Variants in ATG10 observed in about 807,000 individuals in gnomAD.
ATG10 encodes autophagy related 10.
A neutral mutation model predicts 32.1 loss-of-function variants in ATG10; 30 were observed. The observed-to-expected ratio is 0.94, with a 90% CI of 0.70 to 1.27. The LOEUF is 1.27. Ranked by LOEUF, ATG10 falls within the 50% of genes most tolerant of loss-of-function variation. The pLI, the probability that ATG10 is intolerant of heterozygous loss-of-function variation, is 0.00. For missense variants in ATG10, 233 were observed against 262.3 expected, an observed-to-expected ratio of 0.89 and a Z score of 0.77; for synonymous variants, 87 against 91.5, an observed-to-expected ratio of 0.95 and a Z score of 0.28.
At position 82,058,663 on chromosome 5, in the gene ATG10, A is replaced by G; in HGVS notation, c.216+61A>G. The G allele has an allele frequency of 1.0e-5, 12 of 1,145,634 alleles. No homozygotes were observed. The South Asian group carries it at 1.6e-4, about 15-fold the overall frequency. The allele number at this position is 1,145,634 out of a possible 1,614,324, so 71.0% of individuals were successfully genotyped here. On this transcript the variant is annotated intron_variant, in intron 3 of 7. Coordinates refer to ENST00000282185, the MANE Select transcript of ATG10 (RefSeq NM_031482.5). ...CCGTAAAGTATACATTTAAAAATGT[A>G]TACTTTAATGACTCCATCGCATTCC...
At chr5:82,206,330 A>G (rs977854177) in intron 5 of ATG10, among the ~76,000 whole-genome samples, 1 of 152,126 alleles carries the variant, frequency 6.6e-6, no homozygotes, top group Non-Finnish European at 1.5e-5. Context: ...GCTAGATGGC[A>G]TGTATATCAA....
intron 5 of ATG10, among the ~76,000 whole-genome samples, chr5:82,241,996 G>A (rs1035295233): frequency 6.6e-6 from 1 of 151,852 alleles, no homozygotes; most frequent in Non-Finnish European, 1.5e-5. Context: ...CATATTTGTA[G>A]TCCTACTAAA....
At chr5:82,042,003 C>T (rs1416163626) in intron 2 of ATG10, among the ~76,000 whole-genome samples, 1 of 151,922 alleles carries the variant, frequency 6.6e-6, no homozygotes, top group Middle Eastern at 3.2e-3. Context: ...ATGCTTTCTT[C>T]TACTTTCTGG....
intron 5 of ATG10, among the ~76,000 whole-genome samples, chr5:82,240,289 G>A (rs998498692): frequency 7.2e-5 from 11 of 152,120 alleles, no homozygotes; most frequent in African/African-American, 2.7e-4. Flanking sequence ...TAAAGAGAAT[G>A]GATAAAGAAT....
At chr5:82,221,834 C>T (rs924684700) in intron 5 of ATG10, among the ~76,000 whole-genome samples, 2 of 152,154 alleles carry the variant, frequency 1.3e-5, no homozygotes, top group African/African-American at 4.8e-5. Context: ...GCCAGCAGCC[C>T]TTGAGTATAT....
chr5:82,220,498 G>A (rs757733749), intron 5 of ATG10, among the ~76,000 whole-genome samples: 2 of 152,026 alleles, frequency 1.3e-5, no homozygotes, highest in Non-Finnish European at 2.9e-5. Flanking sequence ...TCCTGACCTC[G>A]TGATCTGCCT....
chr5:82,246,514 T>C (rs1233489936), intron 5 of ATG10, among the ~76,000 whole-genome samples: 3 of 140,684 alleles, frequency 2.1e-5, no homozygotes, highest in Non-Finnish European at 4.7e-5. Flanking sequence ...AGTGAGACTT[T>C]ATCTCTTAAA....
chr5:82,160,936 AAT>A (rs1743305205), intron 3 of ATG10, among the ~76,000 whole-genome samples: 1 of 152,146 alleles, frequency 6.6e-6, no homozygotes, highest in Non-Finnish European at 1.5e-5. Flanking sequence ...TTCAGACTGA[AAT>A]AGAAAATATT....
intron 3 of ATG10, among the ~76,000 whole-genome samples, chr5:82,124,276 T>A (rs531373717): frequency 1.8e-4 from 27 of 151,626 alleles, no homozygotes; most frequent in Admixed American, 1.6e-3. Context: ...GTGCTGGGAT[T>A]ACAGACGTGA....
chr5:82,080,279 TA>T (rs1426307555), intron 3 of ATG10, among the ~76,000 whole-genome samples: 12 of 152,226 alleles, frequency 7.9e-5, no homozygotes, highest in African/African-American at 2.6e-4. Flanking sequence ...GTCAGATGAG[TA>T]GATTGCAAAA....
intron 2 of ATG10, among the ~76,000 whole-genome samples, chr5:82,015,963 C>G (rs1762275409): frequency 6.6e-6 from 1 of 152,038 alleles, no homozygotes; most frequent in South Asian, 2.1e-4. Context: ...TTTTATCTAC[C>G]TTTGGTCTTT....
intron 3 of ATG10, among the ~76,000 whole-genome samples, chr5:82,083,918 C>T (rs989504587): frequency 2.0e-5 from 3 of 152,216 alleles, no homozygotes; most frequent in African/African-American, 7.2e-5. Flanking sequence ...CAGAACACCT[C>T]TTCTCCTCCA....
intron 3 of ATG10, among the ~76,000 whole-genome samples, chr5:82,131,085 G>A (rs1160177863): frequency 6.6e-6 from 1 of 152,096 alleles, no homozygotes; most frequent in Non-Finnish European, 1.5e-5. Context: ...GGTGGAAGGA[G>A]TGGGGTAGGT....
Position 82,233,107 on chromosome 5 carries a change from A to G in ATG10, c.454-19455A>G, listed in dbSNP as rs566538648. 2.6e-5 allele frequency among the ~76,000 whole-genome samples: 4 copies of G among 152,368 alleles called. No homozygotes were observed. In the South Asian group the frequency reaches 6.2e-4, roughly 24 times the overall value. On this transcript the variant is annotated intron_variant, in intron 5 of 7. Coordinates refer to ENST00000282185, the MANE Select transcript of ATG10 (RefSeq NM_031482.5). ...GGGCTGATGTCTTTACATAAGACTA[A>G]TTAGGAAATATATCACTTGTTTTGG...
At chr5:82,018,238 C>A (rs1017938443) in intron 2 of ATG10, among the ~76,000 whole-genome samples, 1 of 152,192 alleles carries the variant, frequency 6.6e-6, no homozygotes, top group Non-Finnish European at 1.5e-5. Context: ...GCTCAAGCTA[C>A]TGGAACTATC....
intron 5 of ATG10, among the ~76,000 whole-genome samples, chr5:82,246,868 C>T (rs1396755346): frequency 2.0e-5 from 3 of 151,866 alleles, no homozygotes; most frequent in African/African-American, 7.3e-5. Flanking sequence ...TTCTCTCAGT[C>T]TGTTTCCCTG....
chr5:82,015,724 TCATC>T (rs1762266198), intron 2 of ATG10, among the ~76,000 whole-genome samples: 1 of 152,318 alleles, frequency 6.6e-6, no homozygotes, highest in East Asian at 1.9e-4. Context: ...AGTTAGCCAT[TCATC>T]TAATCTGTTT....
intron 5 of ATG10, among the ~76,000 whole-genome samples, chr5:82,204,904 A>G (rs1051130496): frequency 9.9e-5 from 15 of 152,046 alleles, no homozygotes; most frequent in Admixed American, 6.5e-5. Context: ...TCAGCAATAA[A>G]TGGTAATTGA....
intron 3 of ATG10, among the ~76,000 whole-genome samples, chr5:82,135,537 T>C (rs1475620758): frequency 2.6e-5 from 4 of 152,094 alleles, no homozygotes; most frequent in Non-Finnish European, 5.9e-5. Context: ...TTGTGTGGTT[T>C]TGAGTTTCTT....
Sources: gnomAD v4.1 joint callset for allele counts (sites outside exome capture counted in the v4.1 genomes callset) on GRCh38, gnomAD v4.1.1 for gene constraint, MANE v1.5 for transcripts, NCBI Gene and HGNC (gene_info 2026-07-23, HGNC 2026-07-21) for gene names.